P2RY6: variants seen among roughly 807,000 people sequenced by gnomAD.
P2RY6 encodes pyrimidinergic receptor P2Y6, also known as P2Y purinoceptor 6.
Under a neutral mutation model 16.3 loss-of-function variants are expected in P2RY6, and 19 were observed. The ratio of observed to expected loss-of-function variants is 1.16; its 90% CI spans 0.81 to 1.71. P2RY6 has a LOEUF of 1.71. Among genes scored for constraint, P2RY6 ranks in the 40% most tolerant of loss-of-function variants. The probability of loss-of-function intolerance (pLI) is 0.00; values close to 1 mark genes in which losing one functional copy is unlikely to be tolerated. For missense variants in P2RY6, 389 were observed against 455.5 expected, an observed-to-expected ratio of 0.85 and a Z score of 1.33; for synonymous variants, 184 against 201.5, an observed-to-expected ratio of 0.91 and a Z score of 0.74.
Position 73,297,501 on chromosome 11 carries a change from G to T in P2RY6, c.983G>T (p.Arg328Leu), listed in dbSNP as rs193163379. The change falls in exon 3 of 3, where the codon CGC becomes CTC. Residue 328 changes from arginine to leucine, a missense_variant. Arg to Leu is a moderately radical substitution (Grantham distance 102). Coordinates refer to ENST00000540124, the MANE Select transcript of P2RY6 (RefSeq NM_001277204.2). ...KLTAKWQRQG[R>L] ...ACAGCCAAATGGCAGAGGCAGGGTC[G>T]CTGAGTCCTCCAGGTCCTGGGCAGC... is the stretch of plus-strand genomic sequence containing the variant. 6.2e-7 allele frequency: 1 copy of T among 1,604,836 alleles called. No homozygotes were observed. Among genetic ancestry groups the T allele is most frequent in the Non-Finnish European group, 8.5e-7 (1 of 1,173,350 alleles).
chr11:73,272,620 T>A (rs966176282), intron 1 of P2RY6, among the ~76,000 whole-genome samples, 154 bp downstream of exon 1: 12 of 152,314 alleles, frequency 7.9e-5, no homozygotes, highest in African/African-American at 2.9e-4. Flanking sequence ...TTCCTCCGCC[T>A]GGCTATGCCT....
At chr11:73,281,328 T>G (rs567753719) in intron 1 of P2RY6, among the ~76,000 whole-genome samples, 1 of 152,020 alleles carries the variant, frequency 6.6e-6, no homozygotes. Flanking sequence ...AGAACCAGAG[T>G]TGGGCTTCAC....
chr11:73,291,787 CT>C (rs1378538167), intron 1 of P2RY6, among the ~76,000 whole-genome samples: 5 of 151,986 alleles, frequency 3.3e-5, no homozygotes, highest in African/African-American at 9.7e-5. Context: ...TCCCAGCACA[CT>C]GGTGATCAGT....
chr11:73,293,676 T>G (rs1324174939), intron 1 of P2RY6, among the ~76,000 whole-genome samples: 1 of 152,200 alleles, frequency 6.6e-6, no homozygotes, highest in African/African-American at 2.4e-5. Flanking sequence ...GGTCTGTCTT[T>G]CCTGACACAG....
chr11:73,265,625 G>T (rs149907422), intron 1 of P2RY6, among the ~76,000 whole-genome samples: 1 of 152,086 alleles, frequency 6.6e-6, no homozygotes, highest in Non-Finnish European at 1.5e-5. Flanking sequence ...TGGGGCAGGG[G>T]CAGGAGAGCT....
chr11:73,290,303 A>AAAGAAAGAAAGAAAG (rs1260016714), intron 1 of P2RY6, among the ~76,000 whole-genome samples: 6 of 113,042 alleles, frequency 5.3e-5, no homozygotes, highest in Non-Finnish European at 9.0e-5. Flanking sequence ...AGAAAGAAAG[A>AAAGAAAGAAAGAAAG]AAAGAAAGAA....
intron 1 of P2RY6, among the ~76,000 whole-genome samples, chr11:73,290,103 T>A (rs921748060): frequency 2.6e-5 from 4 of 151,814 alleles, no homozygotes; most frequent in Admixed American, 1.3e-4. Flanking sequence ...TGCCTGTACA[T>A]CCCAGTTACT....
Position 73,296,620 on chromosome 11 carries a change from G to A in P2RY6, c.102G>A (p.Ser34=), listed in dbSNP as rs117845649. Reference sequence around the variant, plus strand: ...AACTGCTGCTGCCACCTGTGTATTCGGCGGTGCTGGCGGCTGGCCTGCCGC... The same window carrying A: ...AACTGCTGCTGCCACCTGTGTATTCAGCGGTGCTGGCGGCTGGCCTGCCGC... ...FKQLLLPPVY[S]AVLAAGLPLN... is the part of the protein sequence containing the mutation. Residue 34 remains serine, a synonymous_variant, in exon 3 of 3, where the codon TCG becomes TCA. Coordinates refer to ENST00000540124, the MANE Select transcript of P2RY6 (RefSeq NM_001277204.2). The A allele has an allele frequency of 8.7e-6, 14 of 1,614,140 alleles. No individual in the cohort carries two copies. Among genetic ancestry groups the A allele is most frequent in the East Asian group, 4.5e-5 (2 of 44,884 alleles).
At chr11:73,296,029 C>T (rs1037564369) in intron 2 of P2RY6, among the ~76,000 whole-genome samples, 10 of 152,042 alleles carry the variant, frequency 6.6e-5, no homozygotes, top group Admixed American at 2.0e-4. Context: ...CTTCTAACCT[C>T]GTGACATCCC....
chr11:73,271,625 A>T (rs1290984248), upstream of P2RY6: 1 of 152,226 alleles, frequency 6.6e-6, no homozygotes, highest in African/African-American at 2.4e-5. Flanking sequence ...TCAGGGGTCG[A>T]ATTTTAACTA....
At chr11:73,285,322 C>T (rs777238844) in intron 1 of P2RY6, among the ~76,000 whole-genome samples, 3 of 152,270 alleles carry the variant, frequency 2.0e-5, no homozygotes, top group Admixed American at 6.5e-5. Context: ...GATCCTCCCG[C>T]CTTGGCCTCC....
intron 1 of P2RY6, among the ~76,000 whole-genome samples, chr11:73,266,515 G>A (rs1328124466): frequency 6.6e-6 from 1 of 151,246 alleles, no homozygotes; most frequent in African/African-American, 2.4e-5. Context: ...CTGAAAGGGA[G>A]GCTGTGAGGT....
upstream of P2RY6, among the ~76,000 whole-genome samples, chr11:73,268,209 G>T (rs760722299): frequency 6.6e-6 from 1 of 152,250 alleles, no homozygotes; most frequent in Non-Finnish European, 1.5e-5. Context: ...TTACAACTCT[G>T]TTAGGTCTCT....
chr11:73,272,804 G>A (rs1464297834), intron 1 of P2RY6, among the ~76,000 whole-genome samples: 1 of 152,148 alleles, frequency 6.6e-6, no homozygotes, highest in Non-Finnish European at 1.5e-5. Context: ...GGCTGGCAAG[G>A]GCACTTTTCC....
intron 1 of P2RY6, among the ~76,000 whole-genome samples, chr11:73,265,078 C>T (rs1025233176): frequency 2.6e-5 from 4 of 152,166 alleles, no homozygotes; most frequent in Non-Finnish European, 5.9e-5. Flanking sequence ...ACTGGGTGTG[C>T]GTTGTGTGAA....
chr11:73,275,730 G>A (rs1863509105), intron 1 of P2RY6, among the ~76,000 whole-genome samples: 1 of 152,194 alleles, frequency 6.6e-6, no homozygotes, highest in African/African-American at 2.4e-5. Context: ...AGTTGCTGGA[G>A]TAAAGCAGGT....
chr11:73,269,524 C>T (rs1435538211), upstream of P2RY6, among the ~76,000 whole-genome samples: 1 of 152,160 alleles, frequency 6.6e-6, no homozygotes, highest in East Asian at 1.9e-4. Context: ...GTTTGCGGGG[C>T]TCCCCAGGAG....
chr11:73,291,587 C>T (rs1371595727), intron 1 of P2RY6, among the ~76,000 whole-genome samples: 2 of 152,238 alleles, frequency 1.3e-5, no homozygotes, highest in Non-Finnish European at 2.9e-5. Flanking sequence ...GAAGTTCAAA[C>T]CTGATTTTTC....
Position 73,285,734 on chromosome 11 carries a change from G to A in P2RY6, c.-120-9996G>A, listed in dbSNP as rs137855758. ...ATGAAACAGGACAGAGGGTAGCAAA[G>A]GGTTTTGTCTTCAGGTTTGAAAACA... On this transcript the variant is annotated intron_variant, in intron 1 of 2. Coordinates refer to ENST00000540124, the MANE Select transcript of P2RY6 (RefSeq NM_001277204.2). 1.0e-3 allele frequency among the ~76,000 whole-genome samples: 158 copies of A among 152,310 alleles called. 1 individual carries two copies. Among genetic ancestry groups the A allele is most frequent in the Non-Finnish European group, 1.8e-3 (122 of 68,028 alleles).
Sources: gnomAD v4.1 joint callset for allele counts (sites outside exome capture counted in the v4.1 genomes callset) on GRCh38, gnomAD v4.1.1 for gene constraint, MANE v1.5 for transcripts, NCBI Gene and HGNC (gene_info 2026-07-23, HGNC 2026-07-21) for gene names.